ERC1: variants seen among roughly 807,000 people sequenced by gnomAD.
ERC1 encodes the protein RAB6 interacting protein 2.
In ERC1, 56 loss-of-function variants were observed where a neutral mutation model predicts 132.0. The observed-to-expected ratio is 0.42, with a 90% CI of 0.34 to 0.53. The LOEUF (loss-of-function observed/expected upper bound fraction) is 0.53, where lower values mean the gene tolerates loss of function less well. Ranked by LOEUF, ERC1 falls within the 20% of genes least tolerant of loss-of-function variation. ERC1 has a pLI of 0.03. For missense variants in ERC1, 1,202 were observed against 1,349.9 expected, an observed-to-expected ratio of 0.89 and a Z score of 1.72; for synonymous variants, 478 against 476.1, an observed-to-expected ratio of 1.00 and a Z score of -0.05.
intron 2 of ERC1, among the ~76,000 whole-genome samples, chr12:1,038,718 C>T (rs1024661022): frequency 1.3e-5 from 2 of 151,988 alleles, no homozygotes; most frequent in African/African-American, 4.8e-5. Context: ...AGTAAGTTGC[C>T]CTAGGGAGTT....
At position 1,401,336 on chromosome 12, in the gene ERC1, T is replaced by C. The variant is rs1020453197; in HGVS notation, c.2926-6813T>C. Among the ~76,000 whole-genome samples, 6 of 152,144 alleles carry C rather than the reference T, an allele frequency of 3.9e-5. No homozygotes were observed. The South Asian group carries it at 1.2e-3, about 32-fold the overall frequency. Reference sequence around the variant, plus strand: ...CTAATAGTAGCAGTAGTCATAGTAGTAGAAGAAGAAATGCTGTAGCAAATA... The same window carrying C: ...CTAATAGTAGCAGTAGTCATAGTAGCAGAAGAAGAAATGCTGTAGCAAATA... On this transcript the variant is annotated intron_variant, in intron 16 of 18. Transcript: ENST00000360905.
chr12:1,424,837 A>T, intron 17 of ERC1, among the ~76,000 whole-genome samples: 1 of 93,650 alleles, frequency 1.1e-5, no homozygotes, highest in Non-Finnish European at 2.2e-5. Flanking sequence ...ATAGATAGAT[A>T]GATAGATGAT....
chr12:1,226,509 C>G (rs2074585208), intron 12 of ERC1, among the ~76,000 whole-genome samples: 2 of 152,164 alleles, frequency 1.3e-5, no homozygotes, highest in African/African-American at 4.8e-5. Context: ...ATGCTGTACA[C>G]TGGATCTTCA....
At chr12:1,314,478 A>G (rs1423268692) in intron 15 of ERC1, among the ~76,000 whole-genome samples, 1 of 152,202 alleles carries the variant, frequency 6.6e-6, no homozygotes, top group Non-Finnish European at 1.5e-5. Context: ...GTAGTAAACG[A>G]GGGCAACTAG....
At chr12:1,070,851 C>T (rs1280346751) in intron 2 of ERC1, among the ~76,000 whole-genome samples, 2 of 152,140 alleles carry the variant, frequency 1.3e-5, no homozygotes, top group Non-Finnish European at 2.9e-5. Context: ...TGCATCTCTC[C>T]CCAGTTCGCA....
intron 9 of ERC1, among the ~76,000 whole-genome samples, chr12:1,181,472 T>C (rs1734019174): frequency 6.6e-6 from 1 of 152,178 alleles, no homozygotes; most frequent in Admixed American, 6.5e-5. Context: ...ATCCTTGTTA[T>C]GGCAAGATGA....
At chr12:1,033,291 C>G (rs1968417596) in intron 2 of ERC1, among the ~76,000 whole-genome samples, 1 of 152,134 alleles carries the variant, frequency 6.6e-6, no homozygotes, top group African/African-American at 2.4e-5. Context: ...CCACCTCAGC[C>G]TCCCAAAGTG....
At chr12:1,385,210 T>C (rs1448941024) in intron 16 of ERC1, among the ~76,000 whole-genome samples, 2 of 152,248 alleles carry the variant, frequency 1.3e-5, no homozygotes, top group African/African-American at 4.8e-5. Context: ...AATTTCAATT[T>C]CTGCTAAATG....
At chr12:1,425,328 G>C (rs12426363) in intron 17 of ERC1, among the ~76,000 whole-genome samples, 9,049 of 152,234 alleles carry the variant, frequency 0.059, 389 homozygotes, top group African/African-American at 0.11. Flanking sequence ...TTTCCTGTTA[G>C]AGTGGATGGT....
chr12:1,280,420 T>C (rs1594751917), intron 14 of ERC1, among the ~76,000 whole-genome samples: 1 of 152,236 alleles, frequency 6.6e-6, no homozygotes, highest in East Asian at 1.9e-4. Context: ...CTCTTGTCTC[T>C]ACCCTCTTTA....
chr12:1,385,213 G>T (rs2089180224), intron 16 of ERC1, among the ~76,000 whole-genome samples: 1 of 152,118 alleles, frequency 6.6e-6, no homozygotes, highest in African/African-American at 2.4e-5. Context: ...TTCAATTTCT[G>T]CTAAATGAAA....
At chr12:997,198 A>G (rs1338080373) in intron 1 of ERC1, among the ~76,000 whole-genome samples, 1 of 152,260 alleles carries the variant, frequency 6.6e-6, no homozygotes, top group Non-Finnish European at 1.5e-5. Context: ...AGTGACTGCT[A>G]GGATCAAACA....
intron 15 of ERC1, among the ~76,000 whole-genome samples, chr12:1,346,393 G>A (rs2084454622): frequency 6.6e-6 from 1 of 152,116 alleles, no homozygotes; most frequent in Non-Finnish European, 1.5e-5. Flanking sequence ...CACATTTGGG[G>A]ATATTACTGG....
chr12:1,207,831 G>C (rs1957481858), intron 12 of ERC1, among the ~76,000 whole-genome samples: 1 of 152,130 alleles, frequency 6.6e-6, no homozygotes, highest in South Asian at 2.1e-4. Context: ...TAATTTTAAA[G>C]TTGGCCAAAA....
At chr12:1,478,682 A>G (rs2094023814) in intron 18 of ERC1, among the ~76,000 whole-genome samples, 1 of 152,074 alleles carries the variant, frequency 6.6e-6, no homozygotes, top group African/African-American at 2.4e-5. Context: ...AGTCCCAGCT[A>G]CTTGGCTGAG....
intron 15 of ERC1, among the ~76,000 whole-genome samples, chr12:1,371,347 A>G (rs183597837): frequency 1.5e-4 from 23 of 152,356 alleles, no homozygotes; most frequent in Middle Eastern, 3.4e-3. Context: ...ACTTATTAAG[A>G]TAACAACATG....
At chr12:1,031,795 G>A (rs953810956) in intron 2 of ERC1, among the ~76,000 whole-genome samples, 7 of 151,944 alleles carry the variant, frequency 4.6e-5, no homozygotes, top group African/African-American at 1.7e-4. Flanking sequence ...TGTAAAGAAA[G>A]AAAAAAAGCT....
chr12:1,132,810 A>G (rs1948888958), intron 7 of ERC1, among the ~76,000 whole-genome samples: 1 of 152,002 alleles, frequency 6.6e-6, no homozygotes, highest in Admixed American at 6.6e-5. Flanking sequence ...TTGCCTTTGT[A>G]GTAAGAATTT....
chr12:1,139,501 G>T (rs1168947280), intron 7 of ERC1, among the ~76,000 whole-genome samples: 1 of 152,112 alleles, frequency 6.6e-6, no homozygotes, highest in Non-Finnish European at 1.5e-5. Context: ...TTATGTAATA[G>T]GTATGTATAT....
Sources: gnomAD v4.1 joint callset for allele counts (sites outside exome capture counted in the v4.1 genomes callset) on GRCh38, gnomAD v4.1.1 for gene constraint, MANE v1.5 for transcripts, NCBI Gene and HGNC (gene_info 2026-07-23, HGNC 2026-07-21) for gene names.